Variants in SASH1 observed in about 807,000 individuals in gnomAD.
SASH1 encodes the protein SAM and SH3 domain containing 1.
A neutral mutation model predicts 125.2 loss-of-function variants in SASH1; 44 were observed. The observed-to-expected ratio is 0.35, with a 90% confidence interval of 0.28 to 0.45. SASH1 has a LOEUF of 0.45. Ranked by LOEUF, SASH1 falls within the 20% of genes least tolerant of loss-of-function variation. SASH1 has a pLI of 1.00. For missense variants in SASH1, 1,426 were observed against 1,614.5 expected, an observed-to-expected ratio of 0.88 and a Z score of 2.00; for synonymous variants, 639 against 649.1, an observed-to-expected ratio of 0.98 and a Z score of 0.24.
chr6:148,338,986 T>A, upstream of SASH1, among the ~76,000 whole-genome samples: 1 of 124,280 alleles, frequency 8.0e-6, no homozygotes. Flanking sequence ...GCCTGGGCAA[T>A]GAGCGAGACT....
chr6:148,536,438 C>G (rs777456540), intron 16 of SASH1, among the ~76,000 whole-genome samples: 39 of 152,218 alleles, frequency 2.6e-4, no homozygotes, highest in Non-Finnish European at 4.6e-4. Flanking sequence ...CTCCCGGGTT[C>G]AAGCAATTCT....
intron 6 of SASH1, 45 bp downstream of exon 6, chr6:148,471,548 C>G: frequency 8.7e-7 from 1 of 1,152,222 alleles, no homozygotes; most frequent in South Asian, 1.3e-5. Flanking sequence ...TTAGCTCTAA[C>G]ATGGGAAGAA....
At chr6:148,324,118 C>CAATAAAAAAAAA (rs1780729972) in intron 1 of SASH1, among the ~76,000 whole-genome samples, 1 of 59,426 alleles carries the variant, frequency 1.7e-5, no homozygotes, top group Non-Finnish European at 2.8e-5. Flanking sequence ...GAATCTGTCT[C>CAATAAAAAAAAA]AAAAAAAAAA....
chr6:148,366,642 G>A (rs999300713), intron 1 of SASH1, among the ~76,000 whole-genome samples: 1 of 152,170 alleles, frequency 6.6e-6, no homozygotes, highest in Non-Finnish European at 1.5e-5. Context: ...TTGTTGCCCA[G>A]GCTGGAGTGC....
intron 2 of SASH1, among the ~76,000 whole-genome samples, chr6:148,390,762 T>C (rs1012457489): frequency 4.0e-5 from 6 of 151,308 alleles, no homozygotes; most frequent in African/African-American, 1.5e-4. Flanking sequence ...CACTCCAGCC[T>C]GGGCGACAGA....
chr6:148,318,606 G>A (rs1780545116), intron 1 of SASH1, among the ~76,000 whole-genome samples: 1 of 142,182 alleles, frequency 7.0e-6, no homozygotes, highest in East Asian at 2.5e-4. Flanking sequence ...AGGCTGGAGT[G>A]CAATGGCATG....
At chr6:148,393,888 CT>C (rs67180276) in intron 2 of SASH1, 43,380 of 108,708 alleles carry the variant, frequency 0.4, 7,086 homozygotes, top group South Asian at 0.55. Context: ...CTCTCTCTCT[CT>C]TTTTTTTTTT....
intron 4 of SASH1, among the ~76,000 whole-genome samples, chr6:148,458,773 G>A (rs1211263651): frequency 6.6e-6 from 1 of 151,998 alleles, no homozygotes; most frequent in Non-Finnish European, 1.5e-5. Context: ...GACCAGCCTG[G>A]GCTACATAAT....
At chr6:148,280,793 G>A (rs141016102) in intron 1 of SASH1, among the ~76,000 whole-genome samples, 147 of 152,272 alleles carry the variant, frequency 9.7e-4, no homozygotes, top group African/African-American at 3.4e-3. Flanking sequence ...AGGTGACAGC[G>A]TAAGACCTTG....
intron 1 of SASH1, among the ~76,000 whole-genome samples, chr6:148,326,364 A>C (rs1277903367): frequency 9.9e-4 from 63 of 63,762 alleles, no homozygotes; most frequent in East Asian, 2.5e-3. Context: ...ATATGCATAT[A>C]TATATATATA....
intron 1 of SASH1, among the ~76,000 whole-genome samples, chr6:148,352,622 TA>T: frequency 6.6e-6 from 1 of 150,532 alleles, no homozygotes; most frequent in East Asian, 1.9e-4. Context: ...AATAAATAAA[TA>T]AATAAATAAA....
chr6:148,235,066 G>A, the SASH1 span, among the ~76,000 whole-genome samples: 78 of 152,034 alleles, frequency 5.1e-4, 1 homozygote, highest in African/African-American at 1.7e-3. Context: ...GCTCAATACC[G>A]CCATTCTATG....
chr6:148,242,527 C>T, the SASH1 span, among the ~76,000 whole-genome samples: 19 of 152,228 alleles, frequency 1.2e-4, no homozygotes, highest in Middle Eastern at 3.4e-3. Context: ...GTAAAGCGTC[C>T]GTTTGCATCT....
At chr6:148,260,535 G>GT in the SASH1 span, among the ~76,000 whole-genome samples, 3 of 150,308 alleles carry the variant, frequency 2.0e-5, no homozygotes, top group Non-Finnish European at 4.4e-5. Context: ...AAGCCCGGAA[G>GT]TTTGAGACTG....
intron 6 of SASH1, among the ~76,000 whole-genome samples, chr6:148,473,896 C>T (rs12191384): frequency 1.3e-5 from 2 of 152,144 alleles, no homozygotes; most frequent in African/African-American, 4.8e-5. Flanking sequence ...GTGACACCCA[C>T]GTGTTCTGCA....
At chr6:148,440,067 C>T (rs1776478516) in intron 2 of SASH1, 117 bp from the exon 3 acceptor site, 6 of 860,016 alleles carry the variant, frequency 7.0e-6, no homozygotes, top group South Asian at 1.5e-5. Context: ...GCCATCTCCT[C>T]CCACTCTATA....
At chr6:148,300,264 T>C (rs1296867700) in intron 1 of SASH1, among the ~76,000 whole-genome samples, 1 of 152,102 alleles carries the variant, frequency 6.6e-6, no homozygotes, top group African/African-American at 2.4e-5. Flanking sequence ...TCAGCCTTGG[T>C]AAACTCCAGG....
chr6:148,345,759 A>G (rs1173751130), intron 1 of SASH1, among the ~76,000 whole-genome samples: 1 of 152,192 alleles, frequency 6.6e-6, no homozygotes, highest in Admixed American at 6.5e-5. Flanking sequence ...ATCAATCTAG[A>G]CAGGTGAAGT....
chr6:148,339,885 T>C (rs560843373), upstream of SASH1, among the ~76,000 whole-genome samples: 28 of 152,316 alleles, frequency 1.8e-4, 1 homozygote, highest in South Asian at 2.5e-3. Context: ...GTCACTAAAC[T>C]GTACGTGTCT....
Sources: gnomAD v4.1 joint callset for allele counts (sites outside exome capture counted in the v4.1 genomes callset) on GRCh38, gnomAD v4.1.1 for gene constraint, MANE v1.5 for transcripts, NCBI Gene and HGNC (gene_info 2026-07-23, HGNC 2026-07-21) for gene names.